The following TUT4 variants were observed in gnomAD, a reference collection of about 807,000 sequenced individuals.
TUT4 encodes terminal uridylyltransferase 4.
TUT4 carries 36 observed loss-of-function variants against 192.2 expected under a neutral mutation model. The ratio of observed to expected loss-of-function variants is 0.19; its 90% CI spans 0.14 to 0.25. The LOEUF (loss-of-function observed/expected upper bound fraction) is 0.25, where lower values mean the gene tolerates loss of function less well. Among genes scored for constraint, TUT4 ranks in the 10% least tolerant of loss-of-function variants. The pLI is 1.00. For synonymous variants in TUT4, 618 were observed against 666.0 expected (o/e 0.93, Z 1.11); for missense variants, 1,493 against 1,957.2 (o/e 0.76, Z 4.47).
At chr1:52,490,393 T>C (rs1670857252) in intron 8 of TUT4, among the ~76,000 whole-genome samples, 1 of 151,872 alleles carries the variant, frequency 6.6e-6, no homozygotes, top group Admixed American at 6.6e-5. Flanking sequence ...TGGGCTCAAG[T>C]GACTGAAGAG....
chr1:52,552,686 C>T (rs1413960903), intron 1 of TUT4, among the ~76,000 whole-genome samples: 1 of 152,196 alleles, frequency 6.6e-6, no homozygotes, highest in Admixed American at 6.5e-5. Context: ...CGCCCCAATG[C>T]CCTCCTCAGG....
intron 1 of TUT4, among the ~76,000 whole-genome samples, chr1:52,536,189 T>C (rs939016973): frequency 2.6e-5 from 4 of 152,176 alleles, no homozygotes; most frequent in Admixed American, 6.5e-5. Context: ...CAAACCTCTG[T>C]TAATAGGCAC....
intron 4 of TUT4, among the ~76,000 whole-genome samples, chr1:52,498,990 C>T (rs1401948059): frequency 1.6e-5 from 2 of 126,708 alleles, no homozygotes; most frequent in Non-Finnish European, 3.2e-5. Flanking sequence ...AAAGATCAAT[C>T]CTAAATGTAC....
chr1:52,496,517 T>C (rs192366831), intron 5 of TUT4, among the ~76,000 whole-genome samples: 3 of 152,094 alleles, frequency 2.0e-5, no homozygotes, highest in Non-Finnish European at 4.4e-5. Context: ...AACCCTATAC[T>C]GATGCAAAAA....
Position 52,438,324 on chromosome 1 carries a change from A to G in TUT4, c.3834T>C (p.Phe1278=), listed in dbSNP as rs998136456. 1.9e-6 allele frequency: 3 copies of G among 1,611,900 alleles called. No individual in the cohort carries two copies. The highest frequency in any genetic ancestry group is 1.7e-6 in the Non-Finnish European group (2 of 1,179,170). The change falls in exon 25 of 30, where the codon TTT becomes TTC. Residue 1278 remains phenylalanine, a synonymous_variant. Transcript: ENST00000257177. ...PLIGREAEYF[F]DSRVLTDGEL... ...CTCCATCTGTTAATACTCTGGAATCAAAGAAGTACTCCTAGGGAGAAAATG... is the reference window on the plus strand; with the variant it reads ...CTCCATCTGTTAATACTCTGGAATCGAAGAAGTACTCCTAGGGAGAAAATG...
intron 16 of TUT4, chr1:52,462,947 T>C: frequency 4.1e-6 from 4 of 985,414 alleles, no homozygotes; most frequent in Non-Finnish European, 4.8e-6. Flanking sequence ...TCTTTTTAGC[T>C]ACATGAGAGC....
chr1:52,552,650 CCA>C (rs1029677691), intron 1 of TUT4, among the ~76,000 whole-genome samples: 1 of 152,160 alleles, frequency 6.6e-6, no homozygotes, highest in Non-Finnish European at 1.5e-5. Flanking sequence ...GGAGCCCCAG[CCA>C]CAGTGTGGAG....
chr1:52,471,167 C>T (rs1345635887), intron 14 of TUT4, among the ~76,000 whole-genome samples: 1 of 152,044 alleles, frequency 6.6e-6, no homozygotes, highest in Non-Finnish European at 1.5e-5. Context: ...CAGGCACCGG[C>T]CACCATGCCC....
rs924880840 is a variant in TUT4 at position 52,545,974 on chromosome 1, A to T, written c.-94+6957T>A. On this transcript the variant is annotated intron_variant, in intron 1 of 29. Transcript: ENST00000257177. Reference sequence around the variant, plus strand: ...GCATCTCTACAAAAATACAAAAAAAAAAAAAAAAAAAAAAATTGGCCAGGT... The same window carrying T: ...GCATCTCTACAAAAATACAAAAAAATAAAAAAAAAAAAAAATTGGCCAGGT... Among the ~76,000 whole-genome samples, 4 of 137,018 alleles carry T rather than the reference A, an allele frequency of 2.9e-5. 1 individual carries two copies. Among genetic ancestry groups the T allele is most frequent in the African/African-American group, 9.2e-5 (3 of 32,742 alleles). The allele number at this position is 137,018 out of a possible 152,430, so 89.9% of individuals were successfully genotyped here. A position where few individuals can be genotyped will look rare whatever the true frequency, so the allele number is the denominator to read the frequency against.
At chr1:52,429,241 G>A (rs1205961352) in intron 28 of TUT4, among the ~76,000 whole-genome samples, 3 of 150,626 alleles carry the variant, frequency 2.0e-5, no homozygotes, top group Non-Finnish European at 4.4e-5. Flanking sequence ...CCACCACCAC[G>A]CTCAGCTGAT....
At chr1:52,467,536 T>A (rs1664559047) in intron 15 of TUT4, among the ~76,000 whole-genome samples, 1 of 152,178 alleles carries the variant, frequency 6.6e-6, no homozygotes, top group Non-Finnish European at 1.5e-5. Context: ...CACAACAGCC[T>A]CCTAAATGTT....
chr1:52,468,080 G>T, intron 15 of TUT4, 101 bp downstream of exon 15: 1 of 857,388 alleles, frequency 1.2e-6, no homozygotes, highest in Non-Finnish European at 1.8e-6. Flanking sequence ...AACTAGAACA[G>T]TACTTAACAC....
At chr1:52,552,547 G>A (rs887630973) in intron 1 of TUT4, among the ~76,000 whole-genome samples, 1 of 152,234 alleles carries the variant, frequency 6.6e-6, no homozygotes, top group Non-Finnish European at 1.5e-5. Context: ...ACATGACAGG[G>A]AATCGTAACT....
intron 24 of TUT4, among the ~76,000 whole-genome samples, chr1:52,444,921 A>ATATG (rs1553162314): frequency 6.8e-6 from 1 of 147,982 alleles, no homozygotes; most frequent in Admixed American, 6.7e-5. Context: ...ATATACATGT[A>ATATG]TGTGTATATA....
chr1:52,439,359 A>C (rs1348926322), intron 24 of TUT4, among the ~76,000 whole-genome samples: 1 of 152,250 alleles, frequency 6.6e-6, no homozygotes, highest in Non-Finnish European at 1.5e-5. Flanking sequence ...AACAGACCTA[A>C]AGAAAAGGTA....
At chr1:52,509,882 G>A (rs112844562) in intron 3 of TUT4, among the ~76,000 whole-genome samples, 170 bp from the exon 4 acceptor site, 1 of 152,056 alleles carries the variant, frequency 6.6e-6, no homozygotes, top group African/African-American at 2.4e-5. Context: ...CTTATATACT[G>A]AAGAGATAGT....
intron 28 of TUT4, among the ~76,000 whole-genome samples, chr1:52,428,667 C>G (rs562780461): frequency 6.8e-6 from 1 of 147,478 alleles, no homozygotes; most frequent in Non-Finnish European, 1.5e-5. Flanking sequence ...CATGGTGGTG[C>G]GCACCTGTAG....
intron 2 of TUT4, among the ~76,000 whole-genome samples, chr1:52,520,730 T>A (rs1680016689): frequency 6.6e-6 from 1 of 152,228 alleles, no homozygotes; most frequent in South Asian, 2.1e-4. Flanking sequence ...ATTCCCTATG[T>A]CGTTCCTATT....
At chr1:52,435,911 GTCTC>G (rs143687198) in intron 26 of TUT4, among the ~76,000 whole-genome samples, 84 of 147,852 alleles carry the variant, frequency 5.7e-4, no homozygotes, top group African/African-American at 1.7e-3. Flanking sequence ...CTCTCTCTAT[GTCTC>G]TCTCTCTCTC....
Sources: allele counts gnomAD v4.1 joint callset (sites outside exome capture counted in the v4.1 genomes callset), GRCh38; gene constraint gnomAD v4.1.1; transcripts MANE v1.5; gene names NCBI Gene and HGNC (gene_info 2026-07-23, HGNC 2026-07-21).